EZH1: variants seen among roughly 807,000 people sequenced by gnomAD.
EZH1 encodes the protein enhancer of zeste 1 polycomb repressive complex 2 subunit.
In EZH1, 33 loss-of-function variants were observed where a neutral mutation model predicts 100.5. The ratio of observed to expected loss-of-function variants is 0.33; its 90% CI spans 0.25 to 0.44. The LOEUF is 0.44. Among genes scored for constraint, EZH1 ranks in the 20% least tolerant of loss-of-function variants. The pLI is 1.00. For synonymous variants in EZH1, 272 were observed against 313.8 expected (o/e 0.87, Z 1.41); for missense variants, 475 against 928.4 (o/e 0.51, Z 6.35).
chr17:42,703,165 T>C (rs1741812162), intron 19 of EZH1: 2 of 551,694 alleles, frequency 3.6e-6, no homozygotes, highest in South Asian at 2.1e-5. Flanking sequence ...ATAAGTGGGG[T>C]TTTTTGTTTT....
chr17:42,707,077 G>C (rs1222990711), intron 15 of EZH1, among the ~76,000 whole-genome samples: 3 of 152,096 alleles, frequency 2.0e-5, no homozygotes, highest in African/African-American at 7.2e-5. Context: ...TAAAAGATAA[G>C]TACCCGGATG....
chr17:42,709,694 A>G, intron 13 of EZH1, 152 bp downstream of exon 13: 2 of 637,226 alleles, frequency 3.1e-6, no homozygotes, highest in Non-Finnish European at 5.5e-6. Flanking sequence ...AGCACTCAGG[A>G]GGCTGGCTCT....
In EZH1 at chr17:42,728,862, CGAA is replaced by C. The variant is rs1568001593; in HGVS notation, c.77_79del (p.Leu26del). On this transcript the variant is annotated inframe_deletion, in exon 3 of 21. Coordinates refer to ENST00000428826, the MANE Select transcript of EZH1 (RefSeq NM_001991.5). ...ATTTGCCTGAAGCCGTTTAAGTTGTCGAAGTCGCATGTATTCAGATTTCACTTT... is the reference window on the plus strand; with the variant it reads ...ATTTGCCTGAAGCCGTTTAAGTTGTCGTCGCATGTATTCAGATTTCACTTT... 1 of 1,613,408 alleles carries C rather than the reference CGAA, an allele frequency of 6.2e-7. No homozygotes were observed. The highest frequency in any genetic ancestry group is 1.1e-5 in the South Asian group (1 of 90,968).
In EZH1 at chr17:42,719,047, G is replaced by A. The variant is rs1567994084; in HGVS notation, c.767+58C>T. The stretch of plus-strand genomic sequence containing the variant: ...TTTTTACTAACCAAAAATTAGGAGG[G>A]AATAAAGGTTTTGTCCGAGCACTCT... On this transcript the variant is annotated intron_variant, in intron 8 of 20. Transcript: ENST00000428826. 3.0e-6 allele frequency: 4 copies of A among 1,311,530 alleles called. No individual in the cohort carries two copies. In the East Asian group the frequency reaches 9.3e-5, roughly 31 times the overall value. 81.2% of individuals were successfully genotyped at this position (1,311,530 alleles called of 1,614,324 possible).
In EZH1 at chr17:42,720,526, C is replaced by G. The variant is rs911530203; in HGVS notation, c.488-77G>C. 4.4e-6 allele frequency: 6 copies of G among 1,377,300 alleles called. No individual in the cohort carries two copies. In the East Asian group the frequency reaches 1.4e-4, roughly 33 times the overall value. The allele number at this position is 1,377,300 out of a possible 1,614,324, so 85.3% of individuals were successfully genotyped here. On this transcript the variant is annotated intron_variant, in intron 6 of 20. Coordinates refer to ENST00000428826, the MANE Select transcript of EZH1 (RefSeq NM_001991.5). ...GTCCTCCTAGGCAGGTTTTCTTGTA[C>G]TCACTCCAGAGGCCCAGATATGTCA...
chr17:42,708,297 G>A, intron 14 of EZH1: 1 of 517,284 alleles, frequency 1.9e-6, no homozygotes, highest in Non-Finnish European at 3.4e-6. Flanking sequence ...GATGGTCTGG[G>A]ACAACAGGGA....
rs1279881590 is a variant in EZH1, at chr17:42,718,542, A to G, written c.843T>C (p.Asn281=). The stretch of plus-strand genomic sequence containing the variant: ...ATTGCTCCCGCTGCACAGACTTGGC[A>G]TTGGGGCCATCGATGTTGGGTGTGC... ...PQCTPNIDGP[N]AKSVQREQSL... Residue 281 remains asparagine, a synonymous_variant, in exon 9 of 21, where the codon AAT becomes AAC. Transcript: ENST00000428826. The surrounding 1 kb of genome is among the most constrained non-coding windows in gnomAD (Gnocchi z 4.2). 8 of 1,614,100 alleles carry G rather than the reference A, an allele frequency of 5.0e-6. No individual in the cohort carries two copies. The highest frequency in any genetic ancestry group is 1.3e-5 in the African/African-American group (1 of 74,944).
At chr17:42,737,554 TG>T (rs1459399037) in intron 1 of EZH1, among the ~76,000 whole-genome samples, 1 of 152,208 alleles carries the variant, frequency 6.6e-6, no homozygotes, top group Non-Finnish European at 1.5e-5. Context: ...AGGAGCAAGC[TG>T]TGACTGCGCC....
At chr17:42,708,838 C>T (rs1231742501) in intron 14 of EZH1, 38 bp downstream of exon 14, 9 of 1,612,760 alleles carry the variant, frequency 5.6e-6, no homozygotes, top group Non-Finnish European at 7.6e-6. Flanking sequence ...AGTGAGGCCT[C>T]CAGCTGAACT....
In EZH1 at chr17:42,719,127, C is replaced by A; in HGVS notation, c.745G>T (p.Val249Phe). 1 of 1,613,852 alleles carries A rather than the reference C, an allele frequency of 6.2e-7. No individual in the cohort carries two copies. Among genetic ancestry groups the A allele is most frequent in the Non-Finnish European group, 8.5e-7 (1 of 1,179,790 alleles). Residue 249 changes from valine (V) to phenylalanine (F), a missense_variant, in exon 8 of 21, where the codon GTC becomes TTC. Physicochemically the swap from Val to Phe is conservative, Grantham distance 50. Transcript: ENST00000428826. ...AIASMFPENG[V>F]PDDMKERYRE... ...TACCTCTCCTTCATGTCATCTGGGA[C>A]ACCATTCTCAGGGAACATTGAGGCA... is the stretch of plus-strand genomic sequence containing the variant.
chr17:42,704,532 A>T, intron 18 of EZH1, 70 bp downstream of exon 18: 1 of 1,289,196 alleles, frequency 7.8e-7, no homozygotes, highest in Non-Finnish European at 1.1e-6. Flanking sequence ...TGGGCAACAG[A>T]GCAAGACTCC....
chr17:42,704,531 G>C (rs2053310632), intron 18 of EZH1, 71 bp downstream of exon 18: 3 of 1,282,380 alleles, frequency 2.3e-6, no homozygotes, highest in Non-Finnish European at 2.2e-6. Flanking sequence ...CTGGGCAACA[G>C]AGCAAGACTC....
At chr17:42,704,047 C>G (rs186262381) in intron 18 of EZH1, among the ~76,000 whole-genome samples, 3 of 152,160 alleles carry the variant, frequency 2.0e-5, no homozygotes, top group Non-Finnish European at 4.4e-5. Context: ...TTCTCATCTA[C>G]TGGGCAGGGA....
chr17:42,720,499 T>TA (rs1157805542), intron 6 of EZH1, 50 bp from the exon 7 acceptor site: 1 of 1,540,404 alleles, frequency 6.5e-7, no homozygotes, highest in Admixed American at 2.0e-5. Flanking sequence ...CACATTCCAT[T>TA]AGTCCTCCTA....
chr17:42,727,985 T>C (rs1233088939), intron 3 of EZH1, among the ~76,000 whole-genome samples: 1 of 151,164 alleles, frequency 6.6e-6, no homozygotes, highest in Non-Finnish European at 1.5e-5. Flanking sequence ...CCTGGCTAAT[T>C]TTTGTATTTT....
rs1310121997 is a variant in EZH1 at position 42,701,574 on chromosome 17, A to G, written c.*958T>C. On this transcript the variant is annotated 3_prime_UTR_variant, in exon 21 of 21. Coordinates refer to ENST00000428826, the MANE Select transcript of EZH1 (RefSeq NM_001991.5). ...GCCTGTGCCCACCTACCCTGAAGCG[A>G]TAAGCAACACTGGCCATTGGGCCTT... 1 of 152,880 alleles carries G rather than the reference A, an allele frequency of 6.5e-6. No individual in the cohort carries two copies. The highest frequency in any genetic ancestry group is 1.5e-5 in the Non-Finnish European group (1 of 68,090). The allele number at this position is 152,880 out of a possible 1,614,324, so 9.5% of individuals were successfully genotyped here.
intron 19 of EZH1, 155 bp downstream of exon 19, chr17:42,703,585 T>G: frequency 1.6e-6 from 1 of 626,412 alleles, no homozygotes; most frequent in Non-Finnish European, 2.9e-6. Flanking sequence ...ATTAGAAAAC[T>G]AAGATTGAGA....
Position 42,706,813 on chromosome 17 carries a change from G to A in EZH1, c.1661-628C>T, listed in dbSNP as rs1024393790. On this transcript the variant is annotated intron_variant, in intron 15 of 20. Transcript: ENST00000428826. This position sits in a 1 kb window ranked among gnomAD's most constrained non-coding sequence, Gnocchi z 4.4. ...ACCCCAGAGAATATGAAATCAGTGTGTTTCACTGGTAAATTGTCACCATCA... is the reference window on the plus strand; with the variant it reads ...ACCCCAGAGAATATGAAATCAGTGTATTTCACTGGTAAATTGTCACCATCA... 3.9e-5 allele frequency among the ~76,000 whole-genome samples: 6 copies of A among 152,122 alleles called. No homozygotes were observed. Among genetic ancestry groups the A allele is most frequent in the African/African-American group, 9.7e-5 (4 of 41,408 alleles).
chr17:42,720,452 G>A lies in EZH1; in HGVS notation c.488-3C>T. The A allele has an allele frequency of 2.5e-6, 4 of 1,602,698 alleles. No individual in the cohort carries two copies. The highest frequency in any genetic ancestry group is 3.4e-6 in the Non-Finnish European group (4 of 1,175,598). On this transcript the variant is annotated splice_region_variant and splice_polypyrimidine_tract_variant and intron_variant, in intron 6 of 20. Transcript: ENST00000428826. The stretch of plus-strand genomic sequence containing the variant: ...CAGAACGGATCCAGGGATCATCTCT[G>A]AAACATGAGGATTCGAAAGATGAGC...
Sources: allele counts gnomAD v4.1 joint callset (sites outside exome capture counted in the v4.1 genomes callset), GRCh38; gene constraint gnomAD v4.1.1; non-coding constraint Gnocchi (gnomAD v3.1); transcripts MANE v1.5; gene names NCBI Gene and HGNC (gene_info 2026-07-23, HGNC 2026-07-21).